Variants in DCBLD2 observed in about 807,000 individuals in gnomAD.
The protein encoded by DCBLD2 is discoidin, CUB and LCCL domain containing 2, also known as discoidin, CUB and LCCL domain-containing protein 2.
In DCBLD2, 54 loss-of-function variants were observed where a neutral mutation model predicts 86.8. The ratio of observed to expected loss-of-function variants is 0.62; its 90% CI spans 0.50 to 0.78. DCBLD2 has a LOEUF of 0.78. Among genes scored for constraint, DCBLD2 ranks in the 30% least tolerant of loss-of-function variants. DCBLD2 has a pLI of 0.00. For synonymous variants in DCBLD2, 354 were observed against 341.3 expected, an observed-to-expected ratio of 1.04 and a Z score of -0.41; for missense variants, 908 against 954.2, an observed-to-expected ratio of 0.95 and a Z score of 0.64.
intron 2 of DCBLD2, among the ~76,000 whole-genome samples, chr3:98,872,150 C>T (rs1238270687): frequency 6.6e-6 from 1 of 152,146 alleles, no homozygotes; most frequent in African/African-American, 2.4e-5. Flanking sequence ...TAATAATAAA[C>T]TACAGAAGTG....
intron 2 of DCBLD2, among the ~76,000 whole-genome samples, chr3:98,858,273 C>T (rs960550639): frequency 4.6e-5 from 7 of 152,240 alleles, no homozygotes; most frequent in South Asian, 2.1e-4. Context: ...CCGCAAGCGC[C>T]GTGTGCAGCC....
intron 13 of DCBLD2, among the ~76,000 whole-genome samples, chr3:98,803,949 G>A (rs1014427342): frequency 6.6e-6 from 1 of 152,192 alleles, no homozygotes; most frequent in African/African-American, 2.4e-5. Flanking sequence ...CGGTTTGCCA[G>A]TATTTTACTG....
intron 13 of DCBLD2, among the ~76,000 whole-genome samples, chr3:98,804,194 T>C (rs1056161975): frequency 3.9e-5 from 6 of 152,238 alleles, no homozygotes; most frequent in African/African-American, 1.4e-4. Flanking sequence ...TTTTGGTTGG[T>C]AGGCTATTAA....
intron 3 of DCBLD2, among the ~76,000 whole-genome samples, chr3:98,842,892 G>T (rs1942646460): frequency 6.6e-6 from 1 of 152,086 alleles, no homozygotes; most frequent in African/African-American, 2.4e-5. Context: ...AACAGTGAAG[G>T]ATAGAGCCAC....
At position 98,901,549 on chromosome 3, in the gene DCBLD2, G is replaced by C; in HGVS notation, c.-223C>G. 5.4e-6 allele frequency: 2 copies of C among 370,152 alleles called. No homozygotes were observed. The highest frequency in any genetic ancestry group is 4.6e-6 in the Non-Finnish European group (1 of 215,100). The allele number at this position is 370,152 out of a possible 1,614,324, so 22.9% of individuals were successfully genotyped here. A position where few individuals can be genotyped will look rare whatever the true frequency, so the allele number is the denominator to read the frequency against. ...CGCCGAGACCCCAGGCCGGAGCGCA[G>C]GGGAGGGGAGGGAAGGAAGCGGAGT... is the stretch of plus-strand genomic sequence containing the variant. On this transcript the variant is annotated 5_prime_UTR_variant, in exon 1 of 16. Transcript: ENST00000326840.
At chr3:98,870,737 A>AAGAAAGAAAGAAAGAG (rs60463776) in intron 2 of DCBLD2, among the ~76,000 whole-genome samples, 68 of 69,824 alleles carry the variant, frequency 9.7e-4, no homozygotes, top group African/African-American at 3.6e-3. Context: ...AAAAGAAAGA[A>AAGAAAGAAAGAAAGAG]AAAGAAAGAA....
At chr3:98,805,562 G>T (rs1333280467) in intron 13 of DCBLD2, among the ~76,000 whole-genome samples, 1 of 152,138 alleles carries the variant, frequency 6.6e-6, no homozygotes, top group African/African-American at 2.4e-5. Context: ...AGCTGCAGCT[G>T]TTTTTATTAT....
At chr3:98,868,769 C>G (rs763799173) in intron 2 of DCBLD2, among the ~76,000 whole-genome samples, 1 of 152,064 alleles carries the variant, frequency 6.6e-6, no homozygotes, top group Non-Finnish European at 1.5e-5. Context: ...CAAGGAGCTG[C>G]GAAGACATTA....
chr3:98,818,804 A>C (rs754977108), intron 8 of DCBLD2, among the ~76,000 whole-genome samples: 24 of 152,134 alleles, frequency 1.6e-4, no homozygotes, highest in Non-Finnish European at 2.9e-4. Flanking sequence ...GGACTTCTGG[A>C]CCTTTGACCA....
At chr3:98,865,955 C>T (rs904842833) in intron 2 of DCBLD2, among the ~76,000 whole-genome samples, 16 of 149,194 alleles carry the variant, frequency 1.1e-4, no homozygotes, top group Non-Finnish European at 1.8e-4. Context: ...TGAGAACATG[C>T]GGTGTTCGGT....
Position 98,822,346 on chromosome 3 carries a change from T to A in DCBLD2, c.712A>T (p.Met238Leu). The A allele has an allele frequency of 6.2e-7, 1 of 1,613,398 alleles. No individual in the cohort carries two copies. Among genetic ancestry groups the A allele is most frequent in the Non-Finnish European group, 8.5e-7 (1 of 1,179,756 alleles). The change falls in exon 6 of 16, where the codon ATG (methionine) becomes TTG (leucine). Residue 238 changes from methionine to leucine, a missense_variant. This residue lies in a region of DCBLD2 where 606 missense variants were observed against 678.5 expected (regional missense o/e 0.89). Coordinates refer to ENST00000326840, the MANE Select transcript of DCBLD2 (RefSeq NM_080927.4). ...ACTACTCCTGCATGCACACCAGCCA[T>A]GCACAATGGCGAGGACTTAAGGAAG... ...HGYRDSSPLC[M>L]AGVHAGVVSN...
chr3:98,891,996 T>C (rs1364917747), intron 1 of DCBLD2, among the ~76,000 whole-genome samples: 2 of 152,188 alleles, frequency 1.3e-5, no homozygotes, highest in Admixed American at 1.3e-4. Flanking sequence ...CTCACCTTTA[T>C]AAGCATACAC....
intron 3 of DCBLD2, among the ~76,000 whole-genome samples, chr3:98,832,575 T>C (rs895122236): frequency 3.3e-5 from 5 of 152,212 alleles, no homozygotes; most frequent in Admixed American, 2.6e-4. Context: ...GGTGTTTTAA[T>C]GGTTTTTCTT....
rs575049999 is a variant in DCBLD2, at chr3:98,862,012, T to G, written c.434-12414A>C. On this transcript the variant is annotated intron_variant, in intron 2 of 15. Transcript: ENST00000326840. ...ATAAAGAAAAGAGAGAAGAATCAAA[T>G]AGACGCAATAAAAAATGATAAAGGG... Among the ~76,000 whole-genome samples the G allele has an allele frequency of 1.3e-4, 19 of 151,934 alleles. No homozygotes were observed. In the East Asian group the frequency reaches 3.7e-3, roughly 29 times the overall value.
intron 3 of DCBLD2, among the ~76,000 whole-genome samples, chr3:98,829,944 A>G (rs1281570781): frequency 2.0e-5 from 3 of 152,160 alleles, no homozygotes; most frequent in Admixed American, 2.0e-4. Flanking sequence ...TCTGACTGGT[A>G]TGAGATGGTA....
chr3:98,841,561 A>G (rs1205619596), intron 3 of DCBLD2, among the ~76,000 whole-genome samples: 1 of 152,228 alleles, frequency 6.6e-6, no homozygotes, highest in Non-Finnish European at 1.5e-5. Context: ...TTTTTGATTG[A>G]CAGTGTTGGC....
intron 3 of DCBLD2, among the ~76,000 whole-genome samples, chr3:98,838,639 C>T (rs1275701483): frequency 8.5e-5 from 13 of 152,142 alleles, no homozygotes; most frequent in Admixed American, 5.2e-4. Flanking sequence ...ACTTCCCAGA[C>T]GGGGTGGCGG....
At position 98,799,679 on chromosome 3, in the gene DCBLD2, C is replaced by A. The variant is rs1941680207; in HGVS notation, c.2021G>T (p.Gly674Val). The A allele has an allele frequency of 6.2e-7, 1 of 1,613,942 alleles. No homozygotes were observed. Among genetic ancestry groups the A allele is most frequent in the Non-Finnish European group, 8.5e-7 (1 of 1,179,878 alleles). Residue 674 changes from glycine (G) to valine (V), a missense_variant, in exon 16 of 16, where the codon GGG becomes GTG. Physicochemically the swap from Gly to Val is moderately radical, Grantham distance 109 (BLOSUM62 -3). Around this residue, in one of 3 missense-constraint regions of DCBLD2, gnomAD observed 606 missense variants for 678.5 expected, o/e 0.89. Transcript: ENST00000326840. The stretch of plus-strand genomic sequence containing the variant: ...GATGATTGGGGTTGCATACTCAGGC[C>A]CCGTAATTGGGAGTGGTTCAGCATA... ...HAYAEPLPIT[G>V]PEYATPIIMD... is the part of the protein sequence containing the mutation.
chr3:98,866,007 G>A (rs1469277574), intron 2 of DCBLD2, among the ~76,000 whole-genome samples: 1 of 151,970 alleles, frequency 6.6e-6, no homozygotes, highest in Non-Finnish European at 1.5e-5. Context: ...ATGGTTTCCA[G>A]CTTCATCCAT....
Sources: allele counts gnomAD v4.1 joint callset (sites outside exome capture counted in the v4.1 genomes callset), GRCh38; gene constraint gnomAD v4.1.1; regional missense constraint gnomAD v4.1.1; transcripts MANE v1.5; gene names NCBI Gene and HGNC (gene_info 2026-07-23, HGNC 2026-07-21).